Variants in DNER observed in about 807,000 individuals in gnomAD.
DNER encodes delta/notch like EGF repeat containing, also known as delta and Notch-like epidermal growth factor-related receptor.
Under a neutral mutation model 78.2 loss-of-function variants are expected in DNER, and 33 were observed. The ratio of observed to expected loss-of-function variants is 0.42; its 90% CI spans 0.32 to 0.56. DNER has a LOEUF of 0.56. Ranked by LOEUF, DNER falls within the 20% of genes least tolerant of loss-of-function variation. DNER has a pLI of 0.11. For synonymous variants in DNER, 417 were observed against 384.8 expected (o/e 1.08, Z -0.98); for missense variants, 918 against 975.3 (o/e 0.94, Z 0.78).
At chr2:229,660,367 C>A (rs111623066) in intron 1 of DNER, among the ~76,000 whole-genome samples, 4 of 151,988 alleles carry the variant, frequency 2.6e-5, no homozygotes, top group Admixed American at 2.0e-4. Context: ...AGTGAGAACA[C>A]GTGGTATTTG....
intron 1 of DNER, among the ~76,000 whole-genome samples, chr2:229,712,256 G>A (rs764623479): frequency 4.6e-5 from 7 of 152,102 alleles, no homozygotes; most frequent in African/African-American, 1.2e-4. Context: ...CTGACTCTTC[G>A]GAATGAATTA....
At chr2:229,530,857 T>C (rs139488081) in intron 5 of DNER, among the ~76,000 whole-genome samples, 1 of 152,264 alleles carries the variant, frequency 6.6e-6, no homozygotes, top group African/African-American at 2.4e-5. Context: ...CTGTTACCGA[T>C]CAGTAACAGA....
At chr2:229,620,073 G>A (rs1698228135) in intron 1 of DNER, among the ~76,000 whole-genome samples, 1 of 152,184 alleles carries the variant, frequency 6.6e-6, no homozygotes, top group Non-Finnish European at 1.5e-5. Context: ...GATTGATGAA[G>A]CTAACATGGG....
chr2:229,662,819 G>C (rs1344668803), intron 1 of DNER, among the ~76,000 whole-genome samples: 1 of 152,232 alleles, frequency 6.6e-6, no homozygotes, highest in African/African-American at 2.4e-5. Context: ...ATGAAATCAG[G>C]TAGACCTGTC....
chr2:229,683,703 T>C (rs1413688188), intron 1 of DNER, among the ~76,000 whole-genome samples: 1 of 152,146 alleles, frequency 6.6e-6, no homozygotes, highest in East Asian at 1.9e-4. Context: ...TACCAGCACA[T>C]GTGGCCAGGC....
intron 5 of DNER, among the ~76,000 whole-genome samples, chr2:229,517,304 G>T (rs144426846): frequency 6.6e-6 from 1 of 152,086 alleles, no homozygotes; most frequent in East Asian, 1.9e-4. Flanking sequence ...TTCTAGTAGC[G>T]TTGACTGACA....
chr2:229,387,949 G>A (rs1692932683), intron 11 of DNER, among the ~76,000 whole-genome samples: 8 of 151,826 alleles, frequency 5.3e-5, no homozygotes, highest in Admixed American at 5.3e-4. Context: ...ATGCTTTTCT[G>A]TTCAGCACAT....
intron 1 of DNER, among the ~76,000 whole-genome samples, chr2:229,656,150 A>C: frequency 1.3e-5 from 2 of 152,316 alleles, no homozygotes; most frequent in Middle Eastern, 3.4e-3. Context: ...CAGGCACCTG[A>C]GCCATTAATG....
intron 1 of DNER, among the ~76,000 whole-genome samples, chr2:229,605,506 T>C (rs1326473967): frequency 6.6e-6 from 1 of 152,196 alleles, no homozygotes; most frequent in Non-Finnish European, 1.5e-5. Context: ...ATTAGAAGGC[T>C]AGAAGAACCC....
chr2:229,525,386 T>C (rs1196007359), intron 5 of DNER, among the ~76,000 whole-genome samples: 2 of 152,216 alleles, frequency 1.3e-5, no homozygotes, highest in Non-Finnish European at 2.9e-5. Context: ...GGAATCACTG[T>C]AGTCTTCCTA....
At position 229,477,268 on chromosome 2, in the gene DNER, A is replaced by T; in HGVS notation, c.1148-15T>A. On this transcript the variant is annotated splice_polypyrimidine_tract_variant and intron_variant, in intron 6 of 12. Coordinates refer to ENST00000341772, the MANE Select transcript of DNER (RefSeq NM_139072.4). ...TCCAGTATAACCTGAATAAAACAAA[A>T]TGTACATTTTATAAAATAAGCTCTT... The T allele has an allele frequency of 6.3e-7, 1 of 1,590,158 alleles. No homozygotes were observed. Among genetic ancestry groups the T allele is most frequent in the Non-Finnish European group, 8.6e-7 (1 of 1,161,832 alleles).
At position 229,586,038 on chromosome 2, in the gene DNER, T is replaced by C. The variant is rs369222741; in HGVS notation, c.681-14A>G. The C allele has an allele frequency of 5.0e-6, 8 of 1,590,724 alleles. No individual in the cohort carries two copies. Among genetic ancestry groups the C allele is most frequent in the Non-Finnish European group, 6.0e-6 (7 of 1,169,616 alleles). On this transcript the variant is annotated splice_polypyrimidine_tract_variant and intron_variant, in intron 3 of 12. Coordinates refer to ENST00000341772, the MANE Select transcript of DNER (RefSeq NM_139072.4). ...TCTTGCCGAATCCTGGAAACAGGAA[T>C]GATGTAAACAGAAAGCTCCTTTCAG... is the stretch of plus-strand genomic sequence containing the variant.
At chr2:229,582,497 T>C (rs1697418070) in intron 4 of DNER, among the ~76,000 whole-genome samples, 1 of 151,562 alleles carries the variant, frequency 6.6e-6, no homozygotes, top group African/African-American at 2.4e-5. Flanking sequence ...AAGCCCTAAC[T>C]AGAAAATTTA....
Position 229,531,383 on chromosome 2 carries a change from A to G in DNER, c.993+15564T>C, listed in dbSNP as rs1230155656. Among the ~76,000 whole-genome samples the G allele has an allele frequency of 5.9e-5, 9 of 152,348 alleles. 3 individuals are homozygous for G. Among genetic ancestry groups the G allele is most frequent in the Admixed American group, 5.2e-4 (8 of 15,306 alleles). The stretch of plus-strand genomic sequence containing the variant: ...TCATTTTTTTCCAAAGACATAAAGC[A>G]CCTATAATATTTTTTTCATAAAACT... On this transcript the variant is annotated intron_variant, in intron 5 of 12. Coordinates refer to ENST00000341772, the MANE Select transcript of DNER (RefSeq NM_139072.4).
chr2:229,406,491 G>A (rs774161891), intron 10 of DNER, among the ~76,000 whole-genome samples: 7 of 152,028 alleles, frequency 4.6e-5, no homozygotes, highest in African/African-American at 1.2e-4. Context: ...ATCTGCCTAC[G>A]TGTCCCAAAG....
intron 1 of DNER, among the ~76,000 whole-genome samples, chr2:229,668,484 GTA>G (rs1276599748): frequency 8.6e-6 from 1 of 116,830 alleles, no homozygotes; most frequent in Non-Finnish European, 1.7e-5. Context: ...ATATAGGTAA[GTA>G]TATATATACT....
intron 6 of DNER, among the ~76,000 whole-genome samples, chr2:229,509,342 T>G (rs1695815499): frequency 6.6e-6 from 1 of 152,226 alleles, no homozygotes; most frequent in Admixed American, 6.5e-5. Flanking sequence ...TGCAACCATC[T>G]AAAAGATTCA....
intron 1 of DNER, among the ~76,000 whole-genome samples, chr2:229,665,456 C>T (rs905610306): frequency 3.3e-5 from 5 of 151,990 alleles, no homozygotes; most frequent in African/African-American, 1.2e-4. Context: ...GGATTTAAAA[C>T]AGTCTAATAA....
intron 5 of DNER, among the ~76,000 whole-genome samples, chr2:229,538,729 G>A (rs573733104): frequency 2.0e-5 from 3 of 151,962 alleles, no homozygotes; most frequent in Non-Finnish European, 4.4e-5. Flanking sequence ...AGTAGAGATG[G>A]GGTTTCTCCA....
Sources: gnomAD v4.1 joint callset for allele counts (sites outside exome capture counted in the v4.1 genomes callset) on GRCh38, gnomAD v4.1.1 for gene constraint, MANE v1.5 for transcripts, NCBI Gene and HGNC (gene_info 2026-07-23, HGNC 2026-07-21) for gene names.